The following TMEM169 variants were observed in gnomAD, a reference collection of about 807,000 sequenced individuals.
The protein encoded by TMEM169 is transmembrane protein 169.
A neutral mutation model predicts 27.3 loss-of-function variants in TMEM169; 18 were observed. That is an observed-to-expected ratio of 0.66 (90% CI 0.46 to 0.98). TMEM169 has a LOEUF of 0.98. TMEM169 is among the 50% of genes least tolerant of loss of function. The pLI, the probability that TMEM169 is intolerant of heterozygous loss-of-function variation, is 0.00. For missense variants in TMEM169, 320 were observed against 368.6 expected (o/e 0.87, Z 1.08); for synonymous variants, 136 against 142.1 (o/e 0.96, Z 0.30).
At position 216,102,331 on chromosome 2, in the gene TMEM169, A is replaced by G. The variant is rs958688825; in HGVS notation, c.*1789A>G. 1 of 152,102 alleles carries G rather than the reference A, an allele frequency of 6.6e-6. No homozygotes were observed. The highest frequency in any genetic ancestry group is 1.5e-5 in the Non-Finnish European group (1 of 68,006). 9.4% of individuals were successfully genotyped at this position (152,102 alleles called of 1,614,324 possible). ...ACTTGTGTCTACCTGGCCTGTAGGG[A>G]GTGTAAACTAGATTAATACAGATTA... On this transcript the variant is annotated 3_prime_UTR_variant, in exon 3 of 3. Coordinates refer to ENST00000437356, the MANE Select transcript of TMEM169 (RefSeq NM_001142311.2).
intron 2 of TMEM169, among the ~76,000 whole-genome samples, chr2:216,097,504 T>C (rs189204532): frequency 9.2e-5 from 14 of 152,216 alleles, no homozygotes; most frequent in African/African-American, 3.4e-4. Context: ...GTTTCTAGAA[T>C]GCAGAGGTTG....
chr2:216,097,080 T>G (rs1280123323), intron 2 of TMEM169, among the ~76,000 whole-genome samples: 1 of 152,226 alleles, frequency 6.6e-6, no homozygotes, highest in Non-Finnish European at 1.5e-5. Context: ...CAACGTTTAT[T>G]AAATATTTAG....
chr2:216,100,561 C>A lies in TMEM169; in HGVS notation c.*19C>A, dbSNP rs1696374371. On this transcript the variant is annotated 3_prime_UTR_variant, in exon 3 of 3. Transcript: ENST00000437356. ...GGTCTAAACTCCCAACAACTTACTC[C>A]CTCCTCTGGCCCCAGTAGCCTATAT... 6.2e-7 allele frequency: 1 copy of A among 1,613,756 alleles called. No individual in the cohort carries two copies. Among genetic ancestry groups the A allele is most frequent in the East Asian group, 2.2e-5 (1 of 44,884 alleles).
chr2:216,093,560 A>C (rs1360822425), intron 1 of TMEM169, among the ~76,000 whole-genome samples: 1 of 152,176 alleles, frequency 6.6e-6, no homozygotes, highest in Non-Finnish European at 1.5e-5. Context: ...TCCTACCACT[A>C]AGATTCTCAA....
chr2:216,088,546 T>G (rs1696059727), intron 1 of TMEM169, among the ~76,000 whole-genome samples: 1 of 151,984 alleles, frequency 6.6e-6, no homozygotes, highest in African/African-American at 2.4e-5. Flanking sequence ...TTAATAAATA[T>G]TTACTGAAGC....
chr2:216,098,730 G>GTGTGTA lies in TMEM169; in HGVS notation c.272-1184_272-1179dup, dbSNP rs1447688775. 2.0e-5 allele frequency among the ~76,000 whole-genome samples: 3 copies of GTGTGTA among 151,576 alleles called. No homozygotes were observed. In the East Asian group the frequency reaches 5.8e-4, roughly 29 times the overall value. On this transcript the variant is annotated intron_variant, in intron 2 of 2. Transcript: ENST00000437356. ...GTGGGTGCGTTGTGTGTGTGTGTGT[G>GTGTGTA]TGTGTATGTGTGGTGTGCGGTGTGG...
Position 216,100,681 on chromosome 2 carries a change from C to G in TMEM169, c.*139C>G. On this transcript the variant is annotated 3_prime_UTR_variant, in exon 3 of 3. Coordinates refer to ENST00000437356, the MANE Select transcript of TMEM169 (RefSeq NM_001142311.2). ...CAGAGTCCATACTGATCAGTTTTAC[C>G]ATCTTGAGGGTTCCAGGAGGGCATG... 8.2e-7 allele frequency: 1 copy of G among 1,212,260 alleles called. No homozygotes were observed. The highest frequency in any genetic ancestry group is 1.1e-6 in the Non-Finnish European group (1 of 875,858). 75.1% of individuals were successfully genotyped at this position (1,212,260 alleles called of 1,614,324 possible). A position where few individuals can be genotyped will look rare whatever the true frequency, so the allele number is the denominator to read the frequency against.
intron 1 of TMEM169, among the ~76,000 whole-genome samples, chr2:216,086,051 T>C (rs1432001283): frequency 6.6e-6 from 1 of 152,018 alleles, no homozygotes; most frequent in African/African-American, 2.4e-5. Flanking sequence ...CACTCTGTAA[T>C]ATCACATTTG....
At position 216,095,192 on chromosome 2, in the gene TMEM169, A is replaced by G. The variant is rs111757244; in HGVS notation, c.-126-646A>G. 4.3e-3 allele frequency among the ~76,000 whole-genome samples: 605 copies of G among 140,742 alleles called. 3 individuals are homozygous for G. The highest frequency in any genetic ancestry group is 0.012 in the Middle Eastern group (3 of 256). 92.3% of individuals were successfully genotyped at this position (140,742 alleles called of 152,430 possible). On this transcript the variant is annotated intron_variant, in intron 1 of 2. Transcript: ENST00000437356. ...AATCTCAGCTCACCAGGCTCAAGCA[A>G]TTTTCCTGCCTCAGCCTCCTAAGTA... is the stretch of plus-strand genomic sequence containing the variant.
intron 1 of TMEM169, among the ~76,000 whole-genome samples, chr2:216,089,685 C>T (rs1033255655): frequency 6.6e-6 from 1 of 152,126 alleles, no homozygotes; most frequent in Non-Finnish European, 1.5e-5. Context: ...AATTCCTGAC[C>T]TCAAGTGATC....
At position 216,100,018 on chromosome 2, in the gene TMEM169, T is replaced by C. The variant is rs752198034; in HGVS notation, c.370T>C (p.Leu124=). 2 of 1,613,974 alleles carry C rather than the reference T, an allele frequency of 1.2e-6. No individual in the cohort carries two copies. The highest frequency in any genetic ancestry group is 1.3e-5 in the African/African-American group (1 of 74,872). The change falls in exon 3 of 3, where the codon TTG becomes CTG. Residue 124 remains leucine (L), a synonymous_variant. Coordinates refer to ENST00000437356, the MANE Select transcript of TMEM169 (RefSeq NM_001142311.2). ...KGQMVDIHVT[L]TEKELQELTK... is the part of the protein sequence containing the mutation. ...TCAGATGGTGGACATCCATGTCACA[T>C]TGACAGAGAAAGAGCTGCAGGAACT...
chr2:216,088,930 G>A (rs756904599), intron 1 of TMEM169, among the ~76,000 whole-genome samples: 1 of 151,954 alleles, frequency 6.6e-6, no homozygotes, highest in Non-Finnish European at 1.5e-5. Flanking sequence ...GAAAATATTC[G>A]CCAGGCTATT....
chr2:216,095,653 AT>A (rs1696245967), intron 1 of TMEM169, among the ~76,000 whole-genome samples, 184 bp from the exon 2 acceptor site: 1 of 152,256 alleles, frequency 6.6e-6, no homozygotes, highest in Non-Finnish European at 1.5e-5. Flanking sequence ...AATGACAAAA[AT>A]ATTACTGTAG....
At position 216,099,460 on chromosome 2, in the gene TMEM169, A is replaced by T. The variant is rs989343015; in HGVS notation, c.272-460A>T. The stretch of plus-strand genomic sequence containing the variant: ...CCTGGATGTGAGGGCTGGATCAGGC[A>T]TGTGAGGGGCCCCCTCTCAGAAAGC... On this transcript the variant is annotated intron_variant, in intron 2 of 2. Transcript: ENST00000437356. The surrounding 1 kb of genome is among the most constrained non-coding windows in gnomAD (Gnocchi z 5.0). Among the ~76,000 whole-genome samples, 14 of 152,026 alleles carry T rather than the reference A, an allele frequency of 9.2e-5. No individual in the cohort carries two copies. Among genetic ancestry groups the T allele is most frequent in the Non-Finnish European group, 1.9e-4 (13 of 67,936 alleles).
At chr2:216,096,362 C>A in intron 2 of TMEM169, 128 bp downstream of exon 2, 2 of 1,125,760 alleles carry the variant, frequency 1.8e-6, no homozygotes, top group Non-Finnish European at 2.5e-6. Context: ...GCAATATTAC[C>A]ACCTTTTATT....
chr2:216,084,227 TA>T (rs1394213121), intron 1 of TMEM169, among the ~76,000 whole-genome samples: 1 of 146,932 alleles, frequency 6.8e-6, no homozygotes, highest in African/African-American at 2.5e-5. Context: ...AAGCAGCTGC[TA>T]GCTCAGACTG....
chr2:216,091,713 A>G (rs1387548576), intron 1 of TMEM169, among the ~76,000 whole-genome samples: 3 of 152,186 alleles, frequency 2.0e-5, no homozygotes, highest in Admixed American at 6.5e-5. Flanking sequence ...CCAGAACTGT[A>G]CAAAATAAAT....
chr2:216,088,971 C>T (rs116018538), intron 1 of TMEM169, among the ~76,000 whole-genome samples: 4,717 of 152,204 alleles, frequency 0.031, 91 homozygotes, highest in Non-Finnish European at 0.049. Context: ...TACATTTGGG[C>T]GTTCTTGGCA....
In TMEM169 at chr2:216,102,764, G is replaced by A. The variant is rs150436665; in HGVS notation, c.*2222G>A. The A allele has an allele frequency of 3.9e-4, 60 of 152,586 alleles. No homozygotes were observed. The East Asian group carries it at 0.011, about 28-fold the overall frequency. The allele number at this position is 152,586 out of a possible 1,614,324, so 9.5% of individuals were successfully genotyped here. On this transcript the variant is annotated 3_prime_UTR_variant, in exon 3 of 3. Transcript: ENST00000437356. ...TGAAGACAAAGAAAATAAAAATAAA[G>A]TCTGATTAACTTTTGCTCATTTTGT... is the stretch of plus-strand genomic sequence containing the variant.
Sources: gnomAD v4.1 joint callset for allele counts (sites outside exome capture counted in the v4.1 genomes callset) on GRCh38, gnomAD v4.1.1 for gene constraint, Gnocchi (gnomAD v3.1) non-coding constraint, MANE v1.5 for transcripts, NCBI Gene and HGNC (gene_info 2026-07-23, HGNC 2026-07-21) for gene names.